Variants in PHF20 observed in about 807,000 individuals in gnomAD.
The protein encoded by PHF20 is PHD finger protein 20.
A neutral mutation model predicts 113.5 loss-of-function variants in PHF20; 23 were observed. The observed-to-expected ratio is 0.20, with a 90% CI of 0.15 to 0.29. The LOEUF (loss-of-function observed/expected upper bound fraction) is 0.29. PHF20 is among the 10% of genes least tolerant of loss of function. The probability of loss-of-function intolerance (pLI) is 1.00; values close to 1 mark genes in which losing one functional copy is unlikely to be tolerated. For missense variants in PHF20, 943 were observed against 1,219.6 expected (o/e 0.77, Z 3.38); for synonymous variants, 434 against 457.3 (o/e 0.95, Z 0.65).
rs567953441 is a variant in PHF20 at position 35,832,097 on chromosome 20, T to C, written c.84-10476T>C. ...CCTCTTTTTTGCCTGCTTTCCTCTG[T>C]ACTATGCTGATTTACTCCTATTACA... On this transcript the variant is annotated intron_variant, in intron 2 of 17. Coordinates refer to ENST00000374012, the MANE Select transcript of PHF20 (RefSeq NM_016436.5). Among the ~76,000 whole-genome samples, 4 of 152,268 alleles carry C rather than the reference T, an allele frequency of 2.6e-5. No individual in the cohort carries two copies. The South Asian group carries it at 8.3e-4, about 32-fold the overall frequency.
chr20:35,836,747 G>A (rs554443841), intron 2 of PHF20, among the ~76,000 whole-genome samples: 8 of 151,964 alleles, frequency 5.3e-5, no homozygotes, highest in African/African-American at 1.7e-4. Context: ...GGGAGGCTGA[G>A]GCGGGAGAAT....
intron 2 of PHF20, among the ~76,000 whole-genome samples, chr20:35,818,335 C>T: frequency 6.6e-6 from 1 of 152,090 alleles, no homozygotes; most frequent in African/African-American, 2.4e-5. Context: ...ATTGCTTGAG[C>T]CTGAGAGGTT....
chr20:35,868,353 A>C (rs963757009), intron 6 of PHF20, among the ~76,000 whole-genome samples: 2 of 152,060 alleles, frequency 1.3e-5, no homozygotes, highest in Admixed American at 1.3e-4. Context: ...TAATCTCAGC[A>C]CTTTGGGAGG....
chr20:35,774,760 G>A (rs1173461666), intron 1 of PHF20: 2 of 152,198 alleles, frequency 1.3e-5, no homozygotes, highest in Non-Finnish European at 2.9e-5. Context: ...GCTTCTTAAG[G>A]ATGCCGAGGG....
Position 35,899,491 on chromosome 20 carries a change from G to A in PHF20, c.1404G>A (p.Leu468=). 1.9e-6 allele frequency: 3 copies of A among 1,614,188 alleles called. No homozygotes were observed. Among genetic ancestry groups the A allele is most frequent in the Non-Finnish European group, 2.5e-6 (3 of 1,180,036 alleles). ...TAAAATTTTTCCGCAAAGCCAAACT[G>A]TTGCACTATCACATGAAGTATTTCC... is the stretch of plus-strand genomic sequence containing the variant. The part of the protein sequence containing the change: ...DCLKFFRKAK[L]LHYHMKYFHG... The change falls in exon 10 of 18, where the codon CTG becomes CTA. Residue 468 remains leucine (L), a synonymous_variant. Transcript: ENST00000374012.
intron 2 of PHF20, among the ~76,000 whole-genome samples, chr20:35,819,235 C>G (rs2042127114): frequency 6.6e-6 from 1 of 152,122 alleles, no homozygotes; most frequent in Non-Finnish European, 1.5e-5. Flanking sequence ...CCAGCCCTGC[C>G]TTCCCTATTT....
intron 2 of PHF20, among the ~76,000 whole-genome samples, chr20:35,834,627 G>A (rs2042408995): frequency 6.6e-6 from 1 of 152,024 alleles, no homozygotes; most frequent in African/African-American, 2.4e-5. Flanking sequence ...AGAGGAGTGG[G>A]AAATCTCATG....
At chr20:35,847,485 G>A in intron 4 of PHF20, 51 bp downstream of exon 4, 1 of 1,122,276 alleles carries the variant, frequency 8.9e-7, no homozygotes, top group Non-Finnish European at 1.4e-6. Context: ...GGTGGTGGGG[G>A]GGGATGTTTG....
intron 2 of PHF20, among the ~76,000 whole-genome samples, chr20:35,823,632 CAAA>C (rs34177764): frequency 0.016 from 843 of 53,704 alleles, 3 homozygotes; most frequent in East Asian, 0.074. Context: ...GACCCTGTCT[CAAA>C]AAAAAAAAAA....
intron 4 of PHF20, among the ~76,000 whole-genome samples, chr20:35,852,025 T>TA (rs1320900560): frequency 6.6e-6 from 1 of 152,142 alleles, no homozygotes; most frequent in Non-Finnish European, 1.5e-5. Context: ...TTCCATATCT[T>TA]ATCGTATTTA....
chr20:35,852,687 C>T (rs1220989197), intron 4 of PHF20, among the ~76,000 whole-genome samples: 1 of 151,616 alleles, frequency 6.6e-6, no homozygotes, highest in Non-Finnish European at 1.5e-5. Flanking sequence ...CAACCTCCGC[C>T]TCCTGGGTTC....
At chr20:35,778,811 T>G (rs2146825375) in intron 1 of PHF20, among the ~76,000 whole-genome samples, 1 of 152,106 alleles carries the variant, frequency 6.6e-6, no homozygotes, top group East Asian at 1.9e-4. Context: ...ACAACTTTGC[T>G]AGATCTTGGG....
At chr20:35,827,784 GAAAA>G (rs568505287) in intron 2 of PHF20, among the ~76,000 whole-genome samples, 1 of 70,814 alleles carries the variant, frequency 1.4e-5, no homozygotes, top group Non-Finnish European at 3.0e-5. Context: ...CTCCATCTCA[GAAAA>G]AAAAAAAAAA....
At chr20:35,865,862 T>G (rs896185777) in intron 6 of PHF20, among the ~76,000 whole-genome samples, 2 of 152,022 alleles carry the variant, frequency 1.3e-5, no homozygotes, top group Non-Finnish European at 2.9e-5. Context: ...GCGTGGTGGC[T>G]CAGGAATTTG....
chr20:35,876,427 C>T (rs899498603), intron 9 of PHF20, among the ~76,000 whole-genome samples: 39 of 150,710 alleles, frequency 2.6e-4, no homozygotes, highest in African/African-American at 8.3e-4. Flanking sequence ...AAAAATTAGC[C>T]GGGTATGGTG....
chr20:35,871,163 G>C lies in PHF20; in HGVS notation c.1102+29G>C. 1.9e-6 allele frequency: 3 copies of C among 1,557,922 alleles called. No individual in the cohort carries two copies. The East Asian group carries it at 6.8e-5, about 35-fold the overall frequency. ...AGTCAGTCTGTTCAGGAATTGTCTT[G>C]CCAACCTGGTTCCTATTTAGTGAGA... On this transcript the variant is annotated intron_variant, in intron 8 of 17. Transcript: ENST00000374012.
intron 5 of PHF20, among the ~76,000 whole-genome samples, chr20:35,860,237 A>ATTTTT (rs34253757): frequency 7.7e-6 from 1 of 129,756 alleles, no homozygotes; most frequent in Non-Finnish European, 1.6e-5. Flanking sequence ...TTTCTAAGAA[A>ATTTTT]TTTTTTTTTT....
At chr20:35,784,921 C>T (rs2041378068) in intron 1 of PHF20, among the ~76,000 whole-genome samples, 2 of 151,894 alleles carry the variant, frequency 1.3e-5, no homozygotes, top group South Asian at 2.1e-4. Flanking sequence ...GGTGGTGGCA[C>T]GTGCCTGTAG....
In PHF20 at chr20:35,913,250, T is replaced by C; in HGVS notation, c.1563T>C (p.Thr521=). Residue 521 remains threonine, a splice_region_variant and synonymous_variant, in exon 11 of 18, where the codon ACT becomes ACC. Coordinates refer to ENST00000374012, the MANE Select transcript of PHF20 (RefSeq NM_016436.5). ...GCCAACATTTGTGTTTAATTCTAGC[T>C]ACAAAAGACAAGGAAAAGAATAAAG... ...TRKRVSASSP[T]TKDKEKNKEK... 6.3e-7 allele frequency: 1 copy of C among 1,594,300 alleles called. No individual in the cohort carries two copies. The highest frequency in any genetic ancestry group is 8.6e-7 in the Non-Finnish European group (1 of 1,165,012).
Sources: allele counts gnomAD v4.1 joint callset (sites outside exome capture counted in the v4.1 genomes callset), GRCh38; gene constraint gnomAD v4.1.1; transcripts MANE v1.5; gene names NCBI Gene and HGNC (gene_info 2026-07-23, HGNC 2026-07-21).